The following ADGRL2 variants were observed in gnomAD, a reference collection of about 807,000 sequenced individuals.
ADGRL2 encodes the protein calcium-independent alpha-latrotoxin receptor 2.
A neutral mutation model predicts 157.4 loss-of-function variants in ADGRL2; 44 were observed. That is an observed-to-expected ratio of 0.28 (90% CI 0.22 to 0.36). The LOEUF is 0.36. ADGRL2 is among the 10% of genes least tolerant of loss of function. ADGRL2 has a pLI of 1.00. For synonymous variants in ADGRL2, 585 were observed against 624.7 expected (o/e 0.94, Z 0.95); for missense variants, 1,510 against 1,768.9 (o/e 0.85, Z 2.63).
intron 2 of ADGRL2, among the ~76,000 whole-genome samples, chr1:81,886,090 A>T (rs1282836346): frequency 6.6e-6 from 1 of 152,242 alleles, no homozygotes; most frequent in East Asian, 1.9e-4. Flanking sequence ...TGTTGAAAGC[A>T]GCTTTAAATA....
intron 3 of ADGRL2, among the ~76,000 whole-genome samples, chr1:81,619,849 G>A (rs1289740419): frequency 6.6e-6 from 1 of 152,038 alleles, no homozygotes; most frequent in Admixed American, 6.6e-5. Flanking sequence ...TCTGGAGTCA[G>A]ACTGTCTAGG....
At chr1:81,959,644 C>T (rs1572374300) in intron 11 of ADGRL2, among the ~76,000 whole-genome samples, 1 of 152,084 alleles carries the variant, frequency 6.6e-6, no homozygotes, top group East Asian at 1.9e-4. Flanking sequence ...ATATCCCATA[C>T]TCTTTAAAAA....
intron 1 of ADGRL2, among the ~76,000 whole-genome samples, chr1:81,376,757 A>G (rs1419473307): frequency 6.6e-6 from 1 of 152,180 alleles, no homozygotes; most frequent in Non-Finnish European, 1.5e-5. Context: ...GGGGCTGATC[A>G]GCCTCTTCAT....
At chr1:81,418,335 T>G (rs2077067471) in intron 1 of ADGRL2, among the ~76,000 whole-genome samples, 1 of 152,246 alleles carries the variant, frequency 6.6e-6, no homozygotes, top group Non-Finnish European at 1.5e-5. Context: ...GCAAAAACCC[T>G]CCACTTTTCT....
chr1:81,407,597 T>C (rs2076875676), intron 1 of ADGRL2, among the ~76,000 whole-genome samples: 1 of 152,268 alleles, frequency 6.6e-6, no homozygotes, highest in Non-Finnish European at 1.5e-5. Flanking sequence ...ATGGCTTTTA[T>C]TTAAGGGTGA....
Position 81,993,063 on chromosome 1 carries a change from A to G in ADGRL2, c.*1918A>G. ...AAGTGCATATATATAATATACATATATATATATATATATATATATATATAT... is the reference window on the plus strand; with the variant it reads ...AAGTGCATATATATAATATACATATGTATATATATATATATATATATATAT... On this transcript the variant is annotated 3_prime_UTR_variant, in exon 24 of 24. Coordinates refer to ENST00000686636, the MANE Select transcript of ADGRL2 (RefSeq NM_001366006.2). Among the ~76,000 whole-genome samples, 1 of 24,448 alleles carries G rather than the reference A, an allele frequency of 4.1e-5. No homozygotes were observed. The highest frequency in any genetic ancestry group is 2.8e-4 in the African/African-American group (1 of 3,578). 16.0% of individuals were successfully genotyped at this position (24,448 alleles called of 152,430 possible).
rs577504367 is a variant in ADGRL2, at chr1:81,459,276, C to T, written c.-248+14187C>T. Among the ~76,000 whole-genome samples, 6 of 152,260 alleles carry T rather than the reference C, an allele frequency of 3.9e-5. No homozygotes were observed. The South Asian group carries it at 1.2e-3, about 32-fold the overall frequency. Reference sequence around the variant, plus strand: ...AGGTCAGGTTTCACCAGGGACCCATCCCTGTCTGCCTAGGAATCTGTCTGT... The same window carrying T: ...AGGTCAGGTTTCACCAGGGACCCATTCCTGTCTGCCTAGGAATCTGTCTGT... On this transcript the variant is annotated intron_variant, in intron 2 of 24. Transcript: ENST00000370721.
intron 3 of ADGRL2, among the ~76,000 whole-genome samples, chr1:81,671,699 G>T (rs903392799): frequency 2.0e-5 from 3 of 152,194 alleles, no homozygotes; most frequent in South Asian, 2.1e-4. Context: ...TTTTAGTAGA[G>T]ACTGGGTTTC....
At chr1:81,393,818 CTTTT>C (rs35350823) in intron 1 of ADGRL2, among the ~76,000 whole-genome samples, 4,005 of 126,634 alleles carry the variant, frequency 0.032, 78 homozygotes, top group Middle Eastern at 0.1. Context: ...TATTGCCTTG[CTTTT>C]TTTTTTTTTT....
intron 2 of ADGRL2, among the ~76,000 whole-genome samples, chr1:81,462,837 C>T (rs1365258025): frequency 6.6e-6 from 1 of 151,978 alleles, no homozygotes; most frequent in Admixed American, 6.6e-5. Context: ...AATAAGTTGG[C>T]TAGGCAGTGG....
intron 3 of ADGRL2, among the ~76,000 whole-genome samples, chr1:81,927,343 G>T (rs2095130622): frequency 6.6e-6 from 1 of 151,746 alleles, no homozygotes; most frequent in Non-Finnish European, 1.5e-5. Context: ...AAAACATTTT[G>T]CATTTTTGCT....
At chr1:81,740,044 C>T (rs988911154) in intron 1 of ADGRL2, among the ~76,000 whole-genome samples, 1 of 152,154 alleles carries the variant, frequency 6.6e-6, no homozygotes, top group African/African-American at 2.4e-5. Flanking sequence ...GGAAATAGGC[C>T]TTCTGGAAGA....
At chr1:81,917,510 A>G (rs917502169) in intron 3 of ADGRL2, among the ~76,000 whole-genome samples, 2 of 152,178 alleles carry the variant, frequency 1.3e-5, no homozygotes, top group African/African-American at 4.8e-5. Flanking sequence ...GAAAAATCTC[A>G]TTATGAAAAA....
intron 17 of ADGRL2, among the ~76,000 whole-genome samples, chr1:81,979,482 T>G (rs976344154): frequency 6.6e-6 from 1 of 151,852 alleles, no homozygotes; most frequent in Non-Finnish European, 1.5e-5. Context: ...CCAAGACTTA[T>G]GGTTTCAAAC....
chr1:81,576,646 G>A (rs1423301672), intron 2 of ADGRL2, among the ~76,000 whole-genome samples: 1 of 152,038 alleles, frequency 6.6e-6, no homozygotes, highest in East Asian at 1.9e-4. Flanking sequence ...CCACATTTCA[G>A]GTTTCTCTCC....
chr1:81,532,483 A>G (rs537374970), intron 2 of ADGRL2, among the ~76,000 whole-genome samples: 1 of 152,050 alleles, frequency 6.6e-6, no homozygotes, highest in African/African-American at 2.4e-5. Context: ...TTTATGAATA[A>G]TATCTGAGCT....
At chr1:81,723,232 C>T (rs1475799296) in intron 1 of ADGRL2, among the ~76,000 whole-genome samples, 1 of 152,130 alleles carries the variant, frequency 6.6e-6, no homozygotes, top group Non-Finnish European at 1.5e-5. Flanking sequence ...GCAGCTGAAG[C>T]ATTTTACAGT....
chr1:81,370,559 A>C (rs2076145038), intron 1 of ADGRL2, among the ~76,000 whole-genome samples: 1 of 152,182 alleles, frequency 6.6e-6, no homozygotes, highest in Non-Finnish European at 1.5e-5. Context: ...TTTTATAGTT[A>C]AATATAGGCA....
Position 81,842,353 on chromosome 1 carries a change from CTTTTTTTTT to C in ADGRL2, c.73+5310_73+5318del, listed in dbSNP as rs71085377. Among the ~76,000 whole-genome samples the C allele has an allele frequency of 3.9e-3, 216 of 54,964 alleles. 3 individuals carry two copies. The highest frequency in any genetic ancestry group is 0.016 in the African/African-American group (208 of 12,994). 36.1% of individuals were successfully genotyped at this position (54,964 alleles called of 152,430 possible). On this transcript the variant is annotated intron_variant, in intron 2 of 23. Coordinates refer to ENST00000686636, the MANE Select transcript of ADGRL2 (RefSeq NM_001366006.2). ...AAAGGATTTTTTTTTTCTTTTAGCG[CTTTTTTTTT>C]TTTTTTTTTTTTTAAGATGGAGTCT...
Sources: gnomAD v4.1 joint callset for allele counts (sites outside exome capture counted in the v4.1 genomes callset) on GRCh38, gnomAD v4.1.1 for gene constraint, MANE v1.5 for transcripts, NCBI Gene and HGNC (gene_info 2026-07-23, HGNC 2026-07-21) for gene names.